ADGRV1: variants seen among roughly 807,000 people sequenced by gnomAD.
ADGRV1 encodes adhesion G protein-coupled receptor V1, also known as G-protein coupled receptor 98.
ADGRV1 carries 359 observed loss-of-function variants against 596.2 expected under a neutral mutation model. That is an observed-to-expected ratio of 0.60 (90% CI 0.55 to 0.66). The LOEUF is 0.66. Among genes scored for constraint, ADGRV1 ranks in the 30% least tolerant of loss-of-function variants. ADGRV1 has a pLI of 0.00. For synonymous variants in ADGRV1, 2,681 were observed against 2,679.2 expected (o/e 1.00, Z -0.02); for missense variants, 7,274 against 7,575.6 (o/e 0.96, Z 1.48).
chr5:90,958,795 T>C (rs541925827), intron 83 of ADGRV1, among the ~76,000 whole-genome samples: 16 of 152,322 alleles, frequency 1.1e-4, no homozygotes, highest in African/African-American at 3.8e-4. Flanking sequence ...AAACCTTATC[T>C]TCAAATACAG....
At chr5:90,633,857 T>C (rs1765810287) in intron 9 of ADGRV1, among the ~76,000 whole-genome samples, 1 of 152,192 alleles carries the variant, frequency 6.6e-6, no homozygotes, top group Non-Finnish European at 1.5e-5. Context: ...TTCTCCTGTA[T>C]ATGATTTTTT....
intron 85 of ADGRV1, among the ~76,000 whole-genome samples, chr5:91,059,867 G>T (rs888983840): frequency 1.3e-5 from 2 of 152,002 alleles, no homozygotes; most frequent in Non-Finnish European, 2.9e-5. Context: ...CTGTAACATT[G>T]CAGGACACAT....
chr5:91,012,463 A>G (rs78633510), intron 85 of ADGRV1, among the ~76,000 whole-genome samples: 2,589 of 151,894 alleles, frequency 0.017, 31 homozygotes, highest in Non-Finnish European at 0.027. Context: ...GCCTTGCTTT[A>G]TTTCCATTAT....
intron 53 of ADGRV1, 101 bp from the exon 54 acceptor site, chr5:90,753,473 T>C: frequency 1.3e-6 from 1 of 785,554 alleles, no homozygotes; most frequent in South Asian, 2.1e-5. Flanking sequence ...CTCTTGCTAT[T>C]TAAGTTATAG....
In ADGRV1 at chr5:90,848,681, A is replaced by T; in HGVS notation, c.17064A>T (p.Arg5688=). 1 of 1,567,266 alleles carries T rather than the reference A, an allele frequency of 6.4e-7. No individual in the cohort carries two copies. The highest frequency in any genetic ancestry group is 1.3e-5 in the South Asian group (1 of 78,874). The change falls in exon 79 of 90, where the codon CGA becomes CGT. Residue 5688 remains arginine (R), a synonymous_variant. Coordinates refer to ENST00000405460, the MANE Select transcript of ADGRV1 (RefSeq NM_032119.4). ...TTCAAGCTTTCAGTGTTGCCAGCCG[A>T]ACTCTTTTCTATGAGATTCTTTGTT... ...GKIQAFSVAS[R]TLFYEILCSL...
At chr5:90,567,778 G>A (rs1274720944) in intron 1 of ADGRV1, among the ~76,000 whole-genome samples, 4 of 150,022 alleles carry the variant, frequency 2.7e-5, no homozygotes, top group Admixed American at 6.7e-5. Flanking sequence ...CTGTTACCCC[G>A]GCGGGAGTGG....
At chr5:90,835,606 G>T (rs976636860) in intron 77 of ADGRV1, among the ~76,000 whole-genome samples, 2 of 152,116 alleles carry the variant, frequency 1.3e-5, no homozygotes, top group African/African-American at 4.8e-5. Flanking sequence ...TGAAAGAACT[G>T]AGAAAGAAAA....
rs1194727115 is a variant in ADGRV1 at position 90,972,082 on chromosome 5, A to G, written c.17973+6551A>G. Among the ~76,000 whole-genome samples the G allele has an allele frequency of 2.6e-5, 4 of 152,206 alleles. No individual in the cohort carries two copies. In the East Asian group the frequency reaches 5.8e-4, roughly 22 times the overall value. ...CTCTGATAAAACAGACTTTAGACCAATAAAGCTCAAAAGAGACAAAGAAGG... is the reference window on the plus strand; with the variant it reads ...CTCTGATAAAACAGACTTTAGACCAGTAAAGCTCAAAAGAGACAAAGAAGG... On this transcript the variant is annotated intron_variant, in intron 84 of 89. Coordinates refer to ENST00000405460, the MANE Select transcript of ADGRV1 (RefSeq NM_032119.4).
intron 9 of ADGRV1, 95 bp from the exon 10 acceptor site, chr5:90,635,019 C>A: frequency 1.4e-6 from 1 of 712,016 alleles, no homozygotes; most frequent in Non-Finnish European, 2.3e-6. Flanking sequence ...GTGACCTCTA[C>A]CTACGCTTAC....
At chr5:90,952,074 G>T (rs964383967) in intron 83 of ADGRV1, among the ~76,000 whole-genome samples, 3 of 152,124 alleles carry the variant, frequency 2.0e-5, no homozygotes, top group African/African-American at 7.2e-5. Flanking sequence ...GTTGTATGTG[G>T]CTGTCCAAAA....
intron 85 of ADGRV1, among the ~76,000 whole-genome samples, chr5:91,045,648 A>C (rs59808722): frequency 6.6e-6 from 1 of 152,174 alleles, no homozygotes; most frequent in Admixed American, 6.5e-5. Context: ...ACTTTTCTTC[A>C]ACTTAGTACT....
At chr5:90,720,855 A>G in intron 44 of ADGRV1, 80 bp from the exon 45 acceptor site, 1 of 1,151,110 alleles carries the variant, frequency 8.7e-7, no homozygotes, top group Non-Finnish European at 1.2e-6. Flanking sequence ...TATTAAGTAT[A>G]TGCTAGCAAT....
intron 83 of ADGRV1, among the ~76,000 whole-genome samples, chr5:90,956,569 G>A (rs567403598): frequency 5.9e-5 from 9 of 152,108 alleles, no homozygotes; most frequent in African/African-American, 1.7e-4. Context: ...CCAAATCTAC[G>A]TGTAAAATTT....
intron 45 of ADGRV1, among the ~76,000 whole-genome samples, chr5:90,724,624 A>T (rs1751520963): frequency 6.6e-6 from 1 of 152,214 alleles, no homozygotes; most frequent in Non-Finnish European, 1.5e-5. Context: ...ATAATAATTT[A>T]AAAATATTCT....
intron 58 of ADGRV1, chr5:90,762,472 C>T (rs1561678569): frequency 1.3e-5 from 2 of 152,124 alleles, no homozygotes. Flanking sequence ...GCATGTTAAG[C>T]TTCTATCCGT....
chr5:90,654,156 G>A, intron 20 of ADGRV1: 1 of 612,024 alleles, frequency 1.6e-6, no homozygotes, highest in South Asian at 2.0e-5. Flanking sequence ...AGAGAATTTT[G>A]CCCTTAAAGA....
chr5:90,575,606 C>T (rs1757099863), intron 1 of ADGRV1, among the ~76,000 whole-genome samples: 1 of 152,166 alleles, frequency 6.6e-6, no homozygotes, highest in Non-Finnish European at 1.5e-5. Flanking sequence ...CATGAATGGA[C>T]AGCGAAAGCT....
chr5:91,035,560 GTTTATA>G (rs1387913261), intron 85 of ADGRV1, among the ~76,000 whole-genome samples: 1 of 151,746 alleles, frequency 6.6e-6, no homozygotes, highest in African/African-American at 2.4e-5. Flanking sequence ...CAAACTATTA[GTTTATA>G]TTTATAATAT....
chr5:90,925,100 C>T (rs375217467), intron 83 of ADGRV1, among the ~76,000 whole-genome samples: 1 of 152,032 alleles, frequency 6.6e-6, no homozygotes, highest in African/African-American at 2.4e-5. Flanking sequence ...CTTAGGATTG[C>T]CTTGGCGATG....
Sources: allele counts gnomAD v4.1 joint callset (sites outside exome capture counted in the v4.1 genomes callset), GRCh38; gene constraint gnomAD v4.1.1; transcripts MANE v1.5; gene names NCBI Gene and HGNC (gene_info 2026-07-23, HGNC 2026-07-21).